The following RBM20 variants were observed in gnomAD, a reference collection of about 807,000 sequenced individuals.
RBM20 encodes the protein RNA binding motif protein 20, also known as RNA-binding protein 20.
In RBM20, 51 loss-of-function variants were observed where a neutral mutation model predicts 110.1. That is an observed-to-expected ratio of 0.46 (90% CI 0.37 to 0.59). The LOEUF is 0.59. Ranked by LOEUF, RBM20 falls within the 20% of genes least tolerant of loss-of-function variation. The pLI is 0.00. For synonymous variants in RBM20, 589 were observed against 618.2 expected (o/e 0.95, Z 0.70); for missense variants, 1,512 against 1,574.9 (o/e 0.96, Z 0.68).
chr10:110,811,626 C>T (rs1372115287), intron 8 of RBM20, among the ~76,000 whole-genome samples: 7 of 152,126 alleles, frequency 4.6e-5, no homozygotes, highest in East Asian at 1.9e-4. Context: ...TCATCTCAGA[C>T]GTGTAGATCA....
intron 1 of RBM20, among the ~76,000 whole-genome samples, chr10:110,747,206 T>C (rs1229432321): frequency 2.0e-5 from 3 of 151,494 alleles, no homozygotes; most frequent in Non-Finnish European, 4.4e-5. Context: ...ATACCCTCAC[T>C]AAAAATAACC....
rs181227318 is a variant in RBM20 at position 110,668,471 on chromosome 10, C to A, written c.191+23826C>A. On this transcript the variant is annotated intron_variant, in intron 1 of 13. Transcript: ENST00000369519. ...AATTGGCACATATTTTTCTAGGGGG[C>A]TCCAATTTAGAAGCAGCGACTTGGG... Among the ~76,000 whole-genome samples, 374 of 152,208 alleles carry A rather than the reference C, an allele frequency of 2.5e-3. 1 individual carries two copies. Among genetic ancestry groups the A allele is most frequent in the Non-Finnish European group, 3.2e-3 (220 of 68,012 alleles).
chr10:110,802,841 T>G (rs1171553088), intron 7 of RBM20, among the ~76,000 whole-genome samples: 1 of 152,330 alleles, frequency 6.6e-6, no homozygotes, highest in Admixed American at 6.5e-5. Context: ...CCATGTGACC[T>G]ATCCTAGATT....
intron 1 of RBM20, among the ~76,000 whole-genome samples, chr10:110,751,121 C>T (rs1843848015): frequency 1.3e-5 from 2 of 152,160 alleles, no homozygotes; most frequent in Non-Finnish European, 1.5e-5. Flanking sequence ...TCACTGCTGT[C>T]AATCTAAGCA....
intron 1 of RBM20, among the ~76,000 whole-genome samples, chr10:110,681,876 C>A (rs1482317071): frequency 1.3e-5 from 2 of 150,996 alleles, no homozygotes; most frequent in Middle Eastern, 3.2e-3. Context: ...TTTTCCTTTT[C>A]TTTTCTGCTT....
intron 1 of RBM20, among the ~76,000 whole-genome samples, chr10:110,704,619 T>C (rs940477159): frequency 1.4e-4 from 22 of 152,340 alleles, no homozygotes; most frequent in Admixed American, 3.9e-4. Flanking sequence ...TATCCAGGAC[T>C]GTGTAAGAGG....
chr10:110,738,303 TGCCA>T (rs1843692437), intron 1 of RBM20, among the ~76,000 whole-genome samples: 1 of 152,136 alleles, frequency 6.6e-6, no homozygotes, highest in African/African-American at 2.4e-5. Context: ...GCCAGCTTAA[TGCCA>T]GTGCCCACTG....
In RBM20 at chr10:110,758,504, A is replaced by G. The variant is rs534194439; in HGVS notation, c.192-22297A>G. On this transcript the variant is annotated intron_variant, in intron 1 of 13. Coordinates refer to ENST00000369519, the MANE Select transcript of RBM20 (RefSeq NM_001134363.3). ...CCAGTAATAGGATGAGATATATCCA[A>G]AGTTTAAGGCAGGACATATGGTTCA... 1.2e-4 allele frequency among the ~76,000 whole-genome samples: 18 copies of G among 152,316 alleles called. No homozygotes were observed. In the East Asian group the frequency reaches 3.1e-3, roughly 26 times the overall value.
chr10:110,708,885 C>T (rs1368259223), intron 1 of RBM20, among the ~76,000 whole-genome samples: 2 of 152,090 alleles, frequency 1.3e-5, no homozygotes, highest in Non-Finnish European at 2.9e-5. Context: ...GAGAGTGTGG[C>T]TGGGGTGGCA....
chr10:110,793,845 A>G (rs748243126), intron 5 of RBM20, among the ~76,000 whole-genome samples: 5 of 152,244 alleles, frequency 3.3e-5, no homozygotes, highest in Non-Finnish European at 5.9e-5. Flanking sequence ...TACCATATTG[A>G]TAAAGAAATT....
rs1844909075 is a variant in RBM20 at position 110,821,497 on chromosome 10, G to C, written c.2878G>C (p.Asp960His). 6.4e-7 allele frequency: 1 copy of C among 1,551,854 alleles called. No homozygotes were observed. ...TTTLDLDLAQDFPKEGVKAVG... is the reference protein window; with the variant it reads ...TTTLDLDLAQHFPKEGVKAVG... ...CACCTTAGACTTAGACCTGGCCCAG[G>C]ATTTCCCCAAGGAAGGAGTCAAGGC... Residue 960 changes from aspartate to histidine, a missense_variant, in exon 11 of 14, where the codon GAT (aspartate) becomes CAT (histidine). Physicochemically the swap from Asp to His is moderately conservative, Grantham distance 81. This residue lies in a region of RBM20 where 358 missense variants were observed against 384.2 expected (regional missense o/e 0.93). Coordinates refer to ENST00000369519, the MANE Select transcript of RBM20 (RefSeq NM_001134363.3).
At chr10:110,797,476 T>C in intron 5 of RBM20, 32 bp from the exon 6 acceptor site, 2 of 1,508,218 alleles carry the variant, frequency 1.3e-6, no homozygotes, top group Non-Finnish European at 1.8e-6. Context: ...AACCGTCTTC[T>C]GAATACCACT....
chr10:110,748,439 T>C (rs980655759), intron 1 of RBM20, among the ~76,000 whole-genome samples: 1 of 152,062 alleles, frequency 6.6e-6, no homozygotes, highest in African/African-American at 2.4e-5. Context: ...GAGAGTGATA[T>C]GGGGCAGATA....
chr10:110,643,920 C>T (rs955650629), upstream of RBM20, among the ~76,000 whole-genome samples: 1 of 152,104 alleles, frequency 6.6e-6, no homozygotes, highest in Non-Finnish European at 1.5e-5. Context: ...CGGGCGCGCT[C>T]GGTCCGCCCG....
intron 1 of RBM20, among the ~76,000 whole-genome samples, chr10:110,665,286 C>T (rs1362029723): frequency 6.6e-6 from 1 of 152,150 alleles, no homozygotes; most frequent in Non-Finnish European, 1.5e-5. Flanking sequence ...TTAATGGCTA[C>T]TAAGCTGTTA....
At chr10:110,687,388 T>G (rs1200341886) in intron 1 of RBM20, among the ~76,000 whole-genome samples, 1 of 152,254 alleles carries the variant, frequency 6.6e-6, no homozygotes, top group Non-Finnish European at 1.5e-5. Flanking sequence ...GACAAAACAC[T>G]TAACTTGTAT....
intron 1 of RBM20, among the ~76,000 whole-genome samples, chr10:110,757,397 C>A (rs1297431298): frequency 2.0e-5 from 3 of 152,116 alleles, no homozygotes; most frequent in Non-Finnish European, 2.9e-5. Flanking sequence ...GAGTATAATA[C>A]CCTTGCCATT....
chr10:110,773,794 G>C (rs984988804), intron 1 of RBM20, among the ~76,000 whole-genome samples: 4 of 152,188 alleles, frequency 2.6e-5, no homozygotes, highest in Non-Finnish European at 5.9e-5. Flanking sequence ...TCTCGTGTCA[G>C]TTCTAAACCC....
At chr10:110,751,514 C>T (rs915860498) in intron 1 of RBM20, among the ~76,000 whole-genome samples, 1 of 152,214 alleles carries the variant, frequency 6.6e-6, no homozygotes, top group Admixed American at 6.5e-5. Flanking sequence ...GCCTTTCCTA[C>T]ACATAAAATA....
Sources: gnomAD v4.1 joint callset for allele counts (sites outside exome capture counted in the v4.1 genomes callset) on GRCh38, gnomAD v4.1.1 for gene constraint, gnomAD v4.1.1 regional missense constraint, MANE v1.5 for transcripts, NCBI Gene and HGNC (gene_info 2026-07-23, HGNC 2026-07-21) for gene names.